Variants in CHN2 observed in about 807,000 individuals in gnomAD.
CHN2 encodes chimerin 2, also known as beta-chimaerin.
CHN2 carries 35 observed loss-of-function variants against 56.3 expected under a neutral mutation model. That is an observed-to-expected ratio of 0.62 (90% CI 0.47 to 0.82). CHN2 has a LOEUF of 0.82. Ranked by LOEUF, CHN2 falls within the 40% of genes least tolerant of loss-of-function variation. The pLI, the probability that CHN2 is intolerant of heterozygous loss-of-function variation, is 0.00. For synonymous variants in CHN2, 210 were observed against 212.8 expected (o/e 0.99, Z 0.12); for missense variants, 491 against 580.5 (o/e 0.85, Z 1.58).
upstream of CHN2, among the ~76,000 whole-genome samples, chr7:29,190,069 A>G (rs1782695642): frequency 6.6e-6 from 1 of 152,252 alleles, no homozygotes; most frequent in Non-Finnish European, 1.5e-5. Context: ...TCCTGAGGAA[A>G]CAGCGGGTTT....
At chr7:29,441,419 A>C (rs1783639892) in intron 6 of CHN2, among the ~76,000 whole-genome samples, 1 of 152,244 alleles carries the variant, frequency 6.6e-6, no homozygotes, top group Non-Finnish European at 1.5e-5. Flanking sequence ...GGATTCTTAA[A>C]TATGATGCCA....
chr7:29,286,189 C>A (rs1036461145), intron 1 of CHN2, among the ~76,000 whole-genome samples: 3 of 151,188 alleles, frequency 2.0e-5, no homozygotes, highest in Non-Finnish European at 4.4e-5. Context: ...CCCCCCGCCC[C>A]CCATGATTCC....
At chr7:29,452,267 A>G (rs1426687397) in intron 6 of CHN2, among the ~76,000 whole-genome samples, 1 of 152,184 alleles carries the variant, frequency 6.6e-6, no homozygotes, top group East Asian at 1.9e-4. Flanking sequence ...TCAGGATCTG[A>G]CAGACCATCA....
intron 1 of CHN2, among the ~76,000 whole-genome samples, chr7:29,341,092 C>T (rs1269837700): frequency 6.6e-6 from 1 of 152,170 alleles, no homozygotes; most frequent in Non-Finnish European, 1.5e-5. Flanking sequence ...CCCAAATCAC[C>T]CAGAACTGAG....
At chr7:29,409,811 TTGA>T (rs1416212096) in intron 6 of CHN2, among the ~76,000 whole-genome samples, 15 of 152,352 alleles carry the variant, frequency 9.8e-5, no homozygotes, top group Non-Finnish European at 2.1e-4. Flanking sequence ...GGGCCACAGT[TTGA>T]TGAAGAGCCC....
chr7:29,444,140 TAACA>T (rs1248358213), intron 6 of CHN2, among the ~76,000 whole-genome samples: 2 of 152,298 alleles, frequency 1.3e-5, no homozygotes, highest in African/African-American at 4.8e-5. Flanking sequence ...TGAGTCCCTG[TAACA>T]AACAAATAAA....
At chr7:29,243,350 C>T (rs1029713173) in intron 1 of CHN2, among the ~76,000 whole-genome samples, 1 of 152,212 alleles carries the variant, frequency 6.6e-6, no homozygotes, top group Non-Finnish European at 1.5e-5. Context: ...AGATGCCCTT[C>T]ACTTTGGGTC....
chr7:29,407,372 C>A (rs7799913), intron 6 of CHN2, among the ~76,000 whole-genome samples: 8,876 of 151,858 alleles, frequency 0.058, 280 homozygotes, highest in Middle Eastern at 0.1. Context: ...TGACTTCATT[C>A]AGGACAGTAG....
chr7:29,339,185 A>T (rs1293015599), intron 1 of CHN2, among the ~76,000 whole-genome samples: 3 of 152,200 alleles, frequency 2.0e-5, no homozygotes, highest in African/African-American at 4.8e-5. Flanking sequence ...GAAGCTAAGA[A>T]ATTTAACCTA....
chr7:29,264,820 GAA>G (rs11356105), intron 1 of CHN2, among the ~76,000 whole-genome samples: 5,926 of 124,404 alleles, frequency 0.048, 194 homozygotes, highest in East Asian at 0.18. Context: ...ACTAAAAGGG[GAA>G]AAAAAAAAAA....
chr7:29,506,279 A>C (rs1583438613), intron 10 of CHN2, among the ~76,000 whole-genome samples: 2 of 152,152 alleles, frequency 1.3e-5, no homozygotes, highest in East Asian at 3.8e-4. Flanking sequence ...CAAAGAAATA[A>C]TTCTGGACCA....
chr7:29,461,930 T>C (rs1234291810), intron 6 of CHN2, among the ~76,000 whole-genome samples: 1 of 152,022 alleles, frequency 6.6e-6, no homozygotes, highest in Non-Finnish European at 1.5e-5. Flanking sequence ...ATATAATAAA[T>C]TGTAACTGTA....
At chr7:29,215,783 A>G (rs1287011230) in intron 1 of CHN2, among the ~76,000 whole-genome samples, 1 of 151,942 alleles carries the variant, frequency 6.6e-6, no homozygotes, top group African/African-American at 2.4e-5. Context: ...AGGGAAAGAA[A>G]ATGTTCCAAG....
chr7:29,347,494 T>G (rs1797542885), intron 1 of CHN2, among the ~76,000 whole-genome samples: 1 of 152,098 alleles, frequency 6.6e-6, no homozygotes, highest in Non-Finnish European at 1.5e-5. Flanking sequence ...AGCAGGCACC[T>G]TCTTCACAAG....
chr7:29,425,650 C>T (rs900357258), intron 6 of CHN2, among the ~76,000 whole-genome samples: 4 of 151,976 alleles, frequency 2.6e-5, no homozygotes, highest in African/African-American at 9.7e-5. Flanking sequence ...CTGACTTTTC[C>T]CCTGGTTTAA....
chr7:29,468,658 G>T (rs760557766), intron 6 of CHN2, among the ~76,000 whole-genome samples: 3 of 152,094 alleles, frequency 2.0e-5, no homozygotes, highest in Non-Finnish European at 4.4e-5. Flanking sequence ...TGATCCAAGT[G>T]CTCTTCTCCC....
rs1434982554 is a variant in CHN2, at chr7:29,175,770, CAG to C, written c.274+28811_274+28812del. Among the ~76,000 whole-genome samples the C allele has an allele frequency of 1.4e-4, 21 of 152,140 alleles. No individual in the cohort carries two copies. The South Asian group carries it at 4.4e-3, about 32-fold the overall frequency. On this transcript the variant is annotated intron_variant, in intron 2 of 6. Coordinates refer to the CHN2 transcript ENST00000439384. ...CAGGGAAAAAAACAAAACAAAAAAA[CAG>C]TGAAAAATATGAAAGAAGGGTTAGG...
intron 6 of CHN2, among the ~76,000 whole-genome samples, chr7:29,454,789 G>C (rs849930): frequency 6.6e-6 from 1 of 152,228 alleles, no homozygotes; most frequent in South Asian, 2.1e-4. Context: ...ACGTGACTAC[G>C]TGCATTTGTC....
chr7:29,307,907 A>G (rs1171649656), intron 1 of CHN2, among the ~76,000 whole-genome samples: 3 of 152,336 alleles, frequency 2.0e-5, no homozygotes, highest in Non-Finnish European at 2.9e-5. Flanking sequence ...TTTGACTTCC[A>G]TAATTCAAGA....
Sources: allele counts gnomAD v4.1 joint callset (sites outside exome capture counted in the v4.1 genomes callset), GRCh38; gene constraint gnomAD v4.1.1; transcripts MANE v1.5; gene names NCBI Gene and HGNC (gene_info 2026-07-23, HGNC 2026-07-21).